HYAL4: variants seen among roughly 807,000 people sequenced by gnomAD.
HYAL4 encodes the protein hyaluronidase-4.
Under a neutral mutation model 35.2 loss-of-function variants are expected in HYAL4, and 37 were observed. That is an observed-to-expected ratio of 1.05 (90% CI 0.81 to 1.38). The LOEUF is 1.38. Ranked by LOEUF, HYAL4 falls within the 40% of genes most tolerant of loss-of-function variation. The pLI is 0.00. For missense variants in HYAL4, 572 were observed against 572.4 expected (o/e 1.00, Z 0.01); for synonymous variants, 198 against 203.2 (o/e 0.97, Z 0.22).
chr7:123,865,663 C>G (rs1806671474), intron 2 of HYAL4, among the ~76,000 whole-genome samples: 1 of 152,150 alleles, frequency 6.6e-6, no homozygotes, highest in Non-Finnish European at 1.5e-5. Flanking sequence ...AATTTTTTTA[C>G]AGCAGTGTCC....
intron 2 of HYAL4, among the ~76,000 whole-genome samples, chr7:123,854,777 G>T (rs1412251515): frequency 6.6e-6 from 1 of 152,112 alleles, no homozygotes; most frequent in Non-Finnish European, 1.5e-5. Context: ...GAATATCCTT[G>T]TTAATTTTCT....
At chr7:123,804,519 A>G in the HYAL4 span, among the ~76,000 whole-genome samples, 1 of 152,196 alleles carries the variant, frequency 6.6e-6, no homozygotes, top group Non-Finnish European at 1.5e-5. Context: ...ATGATCATTA[A>G]TTTTGTAACA....
intron 1 of HYAL4, among the ~76,000 whole-genome samples, chr7:123,835,704 T>C (rs968973780): frequency 7.9e-5 from 12 of 152,180 alleles, no homozygotes; most frequent in Admixed American, 7.2e-4. Flanking sequence ...CTTTTTGATA[T>C]AGACATTTAG....
the HYAL4 span, among the ~76,000 whole-genome samples, chr7:123,820,268 G>A: frequency 1.4e-5 from 2 of 139,124 alleles, no homozygotes; most frequent in South Asian, 2.3e-4. Flanking sequence ...GTATATAAAG[G>A]TTTATTAACA....
At chr7:123,770,063 C>T in the HYAL4 span, among the ~76,000 whole-genome samples, 1 of 151,608 alleles carries the variant, frequency 6.6e-6, no homozygotes. Context: ...AAAGTTTAAA[C>T]TAAATAAATA....
At chr7:123,869,425 C>T (rs949852100) in intron 3 of HYAL4, among the ~76,000 whole-genome samples, 198 bp downstream of exon 3, 3 of 152,072 alleles carry the variant, frequency 2.0e-5, no homozygotes, top group African/African-American at 7.2e-5. Context: ...CATTATTATT[C>T]TCTTAAGGAA....
chr7:123,842,341 A>G (rs1043223352), upstream of HYAL4, among the ~76,000 whole-genome samples: 1 of 151,916 alleles, frequency 6.6e-6, no homozygotes, highest in African/African-American at 2.4e-5. Flanking sequence ...TTCTAATTTG[A>G]TTGCACTGTG....
the HYAL4 span, among the ~76,000 whole-genome samples, chr7:123,823,729 TTATA>T: frequency 0.12 from 18,179 of 146,026 alleles, 1,188 homozygotes; most frequent in Non-Finnish European, 0.14. Context: ...CATATATATT[TTATA>T]TATATATATA....
chr7:123,769,117 G>T, the HYAL4 span, among the ~76,000 whole-genome samples: 1 of 152,314 alleles, frequency 6.6e-6, no homozygotes, highest in Non-Finnish European at 1.5e-5. Context: ...CATTACCTAT[G>T]TATGTTTAGT....
At position 123,872,294 on chromosome 7, in the gene HYAL4, A is replaced by G. The variant is rs138223604; in HGVS notation, c.955-2467A>G. Among the ~76,000 whole-genome samples, 677 of 152,318 alleles carry G rather than the reference A, an allele frequency of 4.4e-3. 8 individuals are homozygous for G. Among genetic ancestry groups the G allele is most frequent in the African/African-American group, 0.016 (645 of 41,560 alleles). On this transcript the variant is annotated intron_variant, in intron 3 of 4. Transcript: ENST00000223026. Reference sequence around the variant, plus strand: ...TTTCTGAGTTATTTCACTTAAGGTAATGGCCTCCTGTTCCATCTGTGAGAT... The same window carrying G: ...TTTCTGAGTTATTTCACTTAAGGTAGTGGCCTCCTGTTCCATCTGTGAGAT...
the HYAL4 span, among the ~76,000 whole-genome samples, chr7:123,810,689 G>A: frequency 6.6e-6 from 1 of 152,128 alleles, no homozygotes; most frequent in Non-Finnish European, 1.5e-5. Context: ...AATGCCTATA[G>A]TTTACATTAG....
At chr7:123,851,242 A>G (rs999705111) in intron 2 of HYAL4, among the ~76,000 whole-genome samples, 1 of 152,092 alleles carries the variant, frequency 6.6e-6, no homozygotes, top group Admixed American at 6.6e-5. Context: ...TGATGTTTCA[A>G]CAAAGTTTTT....
At chr7:123,776,573 C>T in the HYAL4 span, among the ~76,000 whole-genome samples, 1 of 152,096 alleles carries the variant, frequency 6.6e-6, no homozygotes, top group Non-Finnish European at 1.5e-5. Flanking sequence ...ATCACCACGC[C>T]TGGCTAATTT....
intron 2 of HYAL4, among the ~76,000 whole-genome samples, chr7:123,850,937 G>A (rs1319967672): frequency 6.6e-6 from 1 of 152,146 alleles, no homozygotes; most frequent in Non-Finnish European, 1.5e-5. Flanking sequence ...AAAATCTATT[G>A]TGAAACATTT....
intron 3 of HYAL4, among the ~76,000 whole-genome samples, chr7:123,869,963 T>A (rs964224502): frequency 5.3e-5 from 8 of 152,138 alleles, no homozygotes; most frequent in African/African-American, 1.9e-4. Flanking sequence ...GTGCTGAGAT[T>A]ACAGGCATGA....
chr7:123,793,916 A>G, the HYAL4 span, among the ~76,000 whole-genome samples: 1 of 152,192 alleles, frequency 6.6e-6, no homozygotes, highest in African/African-American at 2.4e-5. Context: ...TCAGAAGAAG[A>G]CAGGAAAATT....
At chr7:123,782,650 A>T in the HYAL4 span, among the ~76,000 whole-genome samples, 1 of 152,128 alleles carries the variant, frequency 6.6e-6, no homozygotes, top group Non-Finnish European at 1.5e-5. Context: ...GTGTTTCAGT[A>T]TGGACAGTAA....
chr7:123,772,228 A>G, the HYAL4 span, among the ~76,000 whole-genome samples: 1 of 152,160 alleles, frequency 6.6e-6, no homozygotes, highest in South Asian at 2.1e-4. Flanking sequence ...ATATGTTTAT[A>G]TATTTCCTAC....
At chr7:123,822,969 A>G in the HYAL4 span, among the ~76,000 whole-genome samples, 1 of 152,224 alleles carries the variant, frequency 6.6e-6, no homozygotes, top group Non-Finnish European at 1.5e-5. Context: ...TTAAAGAAAA[A>G]TAATTAAATT....
Sources: gnomAD v4.1 joint callset for allele counts (sites outside exome capture counted in the v4.1 genomes callset) on GRCh38, gnomAD v4.1.1 for gene constraint, MANE v1.5 for transcripts, NCBI Gene and HGNC (gene_info 2026-07-23, HGNC 2026-07-21) for gene names.